ASS1: variants seen among roughly 807,000 people sequenced by gnomAD.
ASS1 encodes argininosuccinate synthase 1.
A neutral mutation model predicts 60.5 loss-of-function variants in ASS1; 58 were observed. That is an observed-to-expected ratio of 0.96 (90% CI 0.78 to 1.19). ASS1 has a LOEUF of 1.19. ASS1 is among the 50% of genes most tolerant of loss of function. The probability of loss-of-function intolerance (pLI) is 0.00; values close to 1 mark genes in which losing one functional copy is unlikely to be tolerated. For synonymous variants in ASS1, 200 were observed against 206.9 expected, an observed-to-expected ratio of 0.97 and a Z score of 0.29; for missense variants, 454 against 547.3, an observed-to-expected ratio of 0.83 and a Z score of 1.70.
At chr9:130,471,236 C>G (rs1845859015) in intron 7 of ASS1, among the ~76,000 whole-genome samples, 1 of 152,140 alleles carries the variant, frequency 6.6e-6, no homozygotes, top group Admixed American at 6.5e-5. Flanking sequence ...CAGAGGCCCC[C>G]CCAACCACGT....
intron 11 of ASS1, among the ~76,000 whole-genome samples, chr9:130,487,410 T>TC (rs1477274767): frequency 6.6e-6 from 1 of 152,044 alleles, no homozygotes; most frequent in Non-Finnish European, 1.5e-5. Context: ...GTTTTTTTTT[T>TC]TTTTTAATTT....
rs763028919 is a variant in ASS1 at position 130,489,429 on chromosome 9, G to T, written c.935G>T (p.Gly312Val). ...MDREVRKIKQ[G>V]LGLKFAELVY... Reference sequence around the variant, plus strand: ...CGGGAAGTGCGCAAAATCAAACAAGGCCTGGGCTTGAAATTTGCTGAGCTG... The same window carrying T: ...CGGGAAGTGCGCAAAATCAAACAAGTCCTGGGCTTGAAATTTGCTGAGCTG... Residue 312 changes from glycine to valine, a missense_variant, in exon 12 of 15, where the codon GGC becomes GTC. By Grantham distance (109) the Gly-to-Val change is moderately radical. Coordinates refer to ENST00000352480, the MANE Select transcript of ASS1 (RefSeq NM_054012.4). This position sits in a 1 kb window ranked among gnomAD's most constrained non-coding sequence, Gnocchi z 4.1. The T allele has an allele frequency of 6.2e-7, 1 of 1,614,052 alleles. No individual in the cohort carries two copies. The highest frequency in any genetic ancestry group is 8.5e-7 in the Non-Finnish European group (1 of 1,180,020).
In ASS1 at chr9:130,462,975, G is replaced by A. The variant is rs1845638858; in HGVS notation, c.364-1136G>A. Among the ~76,000 whole-genome samples the A allele has an allele frequency of 2.6e-5, 4 of 152,304 alleles. No individual in the cohort carries two copies. The South Asian group carries it at 8.3e-4, about 32-fold the overall frequency. ...ATGGCTAAAAATCCCCCTGGCCCTG[G>A]GGGCCTCTCTGAGTGACAGCACATA... On this transcript the variant is annotated intron_variant, in intron 4 of 14. Coordinates refer to ENST00000352480, the MANE Select transcript of ASS1 (RefSeq NM_054012.4).
At chr9:130,454,003 C>T (rs1240159072) in intron 2 of ASS1, among the ~76,000 whole-genome samples, 1 of 152,226 alleles carries the variant, frequency 6.6e-6, no homozygotes, top group Non-Finnish European at 1.5e-5. Context: ...CTAGACCTTC[C>T]AGCAATGACA....
chr9:130,471,452 CA>C, intron 7 of ASS1, 32 bp from the exon 8 acceptor site: 1 of 1,613,636 alleles, frequency 6.2e-7, no homozygotes, highest in Non-Finnish European at 8.5e-7. Flanking sequence ...TGTCCCTCCC[CA>C]GCTGACCCTG....
chr9:130,476,680 CT>C lies in ASS1; in HGVS notation c.598-188del. The C allele has an allele frequency of 1.6e-6, 1 of 640,260 alleles. No homozygotes were observed. Among genetic ancestry groups the C allele is most frequent in the Non-Finnish European group, 2.8e-6 (1 of 357,662 alleles). 39.7% of individuals were successfully genotyped at this position (640,260 alleles called of 1,614,324 possible). On this transcript the variant is annotated intron_variant, in intron 8 of 14. Transcript: ENST00000352480. This position sits in a 1 kb window ranked among gnomAD's most constrained non-coding sequence, Gnocchi z 4.9. ...GAAAAATTGTCTGATTTCTCCAGCCCTTTGTTTCCCAGGCCTCTGGCAAGCG... is the reference window on the plus strand; with the variant it reads ...GAAAAATTGTCTGATTTCTCCAGCCCTTGTTTCCCAGGCCTCTGGCAAGCG...
intron 13 of ASS1, 83 bp from the exon 14 acceptor site, chr9:130,499,422 G>T: frequency 7.1e-7 from 1 of 1,415,648 alleles, no homozygotes; most frequent in African/African-American, 1.4e-5. Context: ...CTGGGAGGTG[G>T]GGCTGCTTCT....
At chr9:130,480,063 G>T (rs1242311178) in intron 10 of ASS1, among the ~76,000 whole-genome samples, 1 of 152,222 alleles carries the variant, frequency 6.6e-6, no homozygotes, top group Admixed American at 6.5e-5. Context: ...TCAGGCCCTT[G>T]GCTGGATGGG....
chr9:130,457,484 A>C (rs1845473598), intron 3 of ASS1, among the ~76,000 whole-genome samples: 1 of 151,978 alleles, frequency 6.6e-6, no homozygotes, highest in East Asian at 1.9e-4. Context: ...AAAACAAAAA[A>C]AAAGTTTTCA....
chr9:130,456,267 A>G (rs1350379266), intron 3 of ASS1, among the ~76,000 whole-genome samples: 2 of 152,076 alleles, frequency 1.3e-5, no homozygotes, highest in African/African-American at 2.4e-5. Context: ...GGAGTTCAAG[A>G]CCAGCCTGGC....
chr9:130,474,396 C>T (rs2131890281), intron 8 of ASS1, among the ~76,000 whole-genome samples: 1 of 152,258 alleles, frequency 6.6e-6, no homozygotes, highest in Non-Finnish European at 1.5e-5. Context: ...TCTGGGGCTC[C>T]CTCAGGAAGT....
At chr9:130,464,524 G>A (rs1845680471) in intron 5 of ASS1, among the ~76,000 whole-genome samples, 1 of 152,124 alleles carries the variant, frequency 6.6e-6, no homozygotes, top group South Asian at 2.1e-4. Flanking sequence ...GGTGCGGGTG[G>A]GGATGGCTCT....
chr9:130,476,569 CT>C lies in ASS1; in HGVS notation c.598-297del. ...GCCGCCTTGCTCCTCCAAAGTCACA[CT>C]TTTTCCTGCCTGACTTGTTCCTCTC... On this transcript the variant is annotated intron_variant, in intron 8 of 14. Coordinates refer to ENST00000352480, the MANE Select transcript of ASS1 (RefSeq NM_054012.4). The surrounding 1 kb of genome is among the most constrained non-coding windows in gnomAD (Gnocchi z 4.9). 1.9e-6 allele frequency: 1 copy of C among 520,900 alleles called. No homozygotes were observed. Among genetic ancestry groups the C allele is most frequent in the Non-Finnish European group, 3.5e-6 (1 of 286,950 alleles). The allele number at this position is 520,900 out of a possible 1,614,324, so 32.3% of individuals were successfully genotyped here. A position where few individuals can be genotyped will look rare whatever the true frequency, so the allele number is the denominator to read the frequency against.
intron 9 of ASS1, among the ~76,000 whole-genome samples, chr9:130,479,417 A>T (rs973980492): frequency 1.3e-5 from 2 of 152,166 alleles, no homozygotes; most frequent in Admixed American, 1.3e-4. Flanking sequence ...GTGAAATTCA[A>T]TTAGTTCAGG....
intron 1 of ASS1, chr9:130,451,893 T>C (rs1430799754): frequency 1.9e-6 from 1 of 514,796 alleles, no homozygotes; most frequent in African/African-American, 1.9e-5. Context: ...CCTCACATCC[T>C]GGCCTTGGGC....
At chr9:130,446,740 C>A (rs913314143) in intron 1 of ASS1, among the ~76,000 whole-genome samples, 1 of 152,224 alleles carries the variant, frequency 6.6e-6, no homozygotes, top group African/African-American at 2.4e-5. Context: ...TCATCTTTGG[C>A]CTGCTGGGAG....
In ASS1 at chr9:130,488,289, C is replaced by T. The variant is rs150691652; in HGVS notation, c.839-1044C>T. Among the ~76,000 whole-genome samples the T allele has an allele frequency of 1.5e-3, 230 of 151,820 alleles. No individual in the cohort carries two copies. The highest frequency in any genetic ancestry group is 5.2e-3 in the African/African-American group (214 of 41,426). ...AGAACCTGCCCTTTTAGTGATGTAACGTATGGTGGAAGAAAGGAAGCTCTC... is the reference window on the plus strand; with the variant it reads ...AGAACCTGCCCTTTTAGTGATGTAATGTATGGTGGAAGAAAGGAAGCTCTC... On this transcript the variant is annotated intron_variant, in intron 11 of 14. Coordinates refer to ENST00000352480, the MANE Select transcript of ASS1 (RefSeq NM_054012.4). The surrounding 1 kb of genome is among the most constrained non-coding windows in gnomAD (Gnocchi z 5.2).
At chr9:130,483,440 G>A (rs1846218286) in intron 11 of ASS1, among the ~76,000 whole-genome samples, 1 of 151,828 alleles carries the variant, frequency 6.6e-6, no homozygotes, top group African/African-American at 2.4e-5. Flanking sequence ...GGGACAGGGG[G>A]CTGGGGAAGC....
intron 14 of ASS1, among the ~76,000 whole-genome samples, chr9:130,500,015 C>T (rs950285629): frequency 1.2e-4 from 19 of 152,186 alleles, no homozygotes; most frequent in African/African-American, 3.4e-4. Flanking sequence ...GGGTGGTGCA[C>T]GTCATCTGAA....
Sources: gnomAD v4.1 joint callset for allele counts (sites outside exome capture counted in the v4.1 genomes callset) on GRCh38, gnomAD v4.1.1 for gene constraint, Gnocchi (gnomAD v3.1) non-coding constraint, MANE v1.5 for transcripts, NCBI Gene and HGNC (gene_info 2026-07-23, HGNC 2026-07-21) for gene names.